KCNQ1: variants seen among roughly 807,000 people sequenced by gnomAD.
KCNQ1 encodes potassium voltage-gated channel subfamily Q member 1, also known as potassium voltage-gated channel subfamily KQT member 1.
A neutral mutation model predicts 72.4 loss-of-function variants in KCNQ1; 49 were observed. That is an observed-to-expected ratio of 0.68 (90% CI 0.54 to 0.86). KCNQ1 has a LOEUF of 0.86. Ranked by LOEUF, KCNQ1 falls within the 40% of genes least tolerant of loss-of-function variation. The pLI is 0.00. For missense variants in KCNQ1, 790 were observed against 945.1 expected (o/e 0.84, Z 2.15); for synonymous variants, 450 against 412.6 (o/e 1.09, Z -1.10).
At position 2,676,048 on chromosome 11, in the gene KCNQ1, A is replaced by G; in HGVS notation, c.1514+13967A>G. 5.0e-6 allele frequency: 2 copies of G among 398,608 alleles called. No homozygotes were observed. The allele number at this position is 398,608 out of a possible 1,614,324, so 24.7% of individuals were successfully genotyped here. A position where few individuals can be genotyped will look rare whatever the true frequency, so the allele number is the denominator to read the frequency against. ...TTACCACTCAACACTTTCCTATTGC[A>G]TCTTTCCAGACGTATTTTATATAAA... On this transcript the variant is annotated intron_variant, in intron 11 of 15. Coordinates refer to ENST00000155840, the MANE Select transcript of KCNQ1 (RefSeq NM_000218.3). This position sits in a 1 kb window ranked among gnomAD's most constrained non-coding sequence, Gnocchi z 4.2.
At position 2,563,858 on chromosome 11, in the gene KCNQ1, G is replaced by C. The variant is rs1014981132; in HGVS notation, c.478-6770G>C. Among the ~76,000 whole-genome samples, 1 of 152,210 alleles carries C rather than the reference G, an allele frequency of 6.6e-6. No individual in the cohort carries two copies. Among genetic ancestry groups the C allele is most frequent in the Non-Finnish European group, 1.5e-5 (1 of 68,038 alleles). On this transcript the variant is annotated intron_variant, in intron 2 of 15. Transcript: ENST00000155840. The surrounding 1 kb of genome is among the most constrained non-coding windows in gnomAD (Gnocchi z 7.4). ...GCATGCCATTTTGCAATTGACAAAT[G>C]GCTTGTGCTTAGCTATTTCGTTGAA...
In KCNQ1 at chr11:2,830,039, G is replaced by A. The variant is rs1217763051; in HGVS notation, c.1795-17728G>A. Among the ~76,000 whole-genome samples, 1 of 148,406 alleles carries A rather than the reference G, an allele frequency of 6.7e-6. No homozygotes were observed. On this transcript the variant is annotated intron_variant, in intron 15 of 15. Coordinates refer to ENST00000155840, the MANE Select transcript of KCNQ1 (RefSeq NM_000218.3). This position sits in a 1 kb window ranked among gnomAD's most constrained non-coding sequence, Gnocchi z 7.7. ...AGGAAGGAGGAGGAAGGAGGAGGGA[G>A]GAGGAAGGAGGAGGGAGGAGGGAGG...
chr11:2,548,662 G>A (rs1364861098), intron 2 of KCNQ1, among the ~76,000 whole-genome samples: 1 of 152,240 alleles, frequency 6.6e-6, no homozygotes, highest in Non-Finnish European at 1.5e-5. Context: ...GGGGCTGTTG[G>A]ATACAGTGAC....
At position 2,559,166 on chromosome 11, in the gene KCNQ1, T is replaced by C. The variant is rs746896457; in HGVS notation, c.478-11462T>C. ...GTGTCCCTTGAGCAAAATATTGCAC[T>C]TTCGTTGCTCTCTGAAAGCCTACCA... On this transcript the variant is annotated intron_variant, in intron 2 of 15. Transcript: ENST00000155840. This position sits in a 1 kb window ranked among gnomAD's most constrained non-coding sequence, Gnocchi z 4.9. Among the ~76,000 whole-genome samples, 2 of 151,972 alleles carry C rather than the reference T, an allele frequency of 1.3e-5. No individual in the cohort carries two copies. The highest frequency in any genetic ancestry group is 2.9e-5 in the Non-Finnish European group (2 of 67,970).
chr11:2,646,814 A>T (rs1849673046), intron 10 of KCNQ1: 1 of 398,372 alleles, frequency 2.5e-6, no homozygotes, highest in Admixed American at 4.4e-5. Context: ...TCATGTCCAC[A>T]CCTACTAATT....
At chr11:2,614,927 TAAA>T in intron 10 of KCNQ1, 1 of 398,460 alleles carries the variant, frequency 2.5e-6, no homozygotes, top group Non-Finnish European at 4.4e-6. Flanking sequence ...TTTCTGCAAA[TAAA>T]AAGGCCCTTG....
intron 10 of KCNQ1, chr11:2,660,659 A>C (rs1330845844): frequency 7.5e-6 from 3 of 398,632 alleles, no homozygotes; most frequent in African/African-American, 2.1e-5. Context: ...GCAATGCCTC[A>C]GTTTTCATCC....
At position 2,803,832 on chromosome 11, in the gene KCNQ1, GGA is replaced by G. The variant is rs1847321718; in HGVS notation, c.1794+25796_1794+25797del. Reference sequence around the variant, plus strand: ...CCAGCTCCCACCCTGCTATGCCCATGGACCCCAGGGTCAGCTTTTATGCACAC... The same window carrying G: ...CCAGCTCCCACCCTGCTATGCCCATGCCCCAGGGTCAGCTTTTATGCACAC... On this transcript the variant is annotated intron_variant, in intron 15 of 15. Transcript: ENST00000155840. The surrounding 1 kb of genome is among the most constrained non-coding windows in gnomAD (Gnocchi z 6.4). 6.6e-6 allele frequency among the ~76,000 whole-genome samples: 1 copy of G among 152,050 alleles called. No individual in the cohort carries two copies. The highest frequency in any genetic ancestry group is 3.2e-3 in the Middle Eastern group (1 of 316).
At chr11:2,456,599 C>T (rs1216143239) in intron 1 of KCNQ1, among the ~76,000 whole-genome samples, 2 of 151,844 alleles carry the variant, frequency 1.3e-5, no homozygotes, top group South Asian at 4.2e-4. Flanking sequence ...ATTAACAAAT[C>T]AACAAGCAAA....
Position 2,498,993 on chromosome 11 carries a change from T to G in KCNQ1, c.387-28935T>G, listed in dbSNP as rs2188199. ...GGGGGAGGGAGGTCTCCCGGCTCCT[T>G]GCACTTCCCAGGTGAGGCGATGCCC... is the stretch of plus-strand genomic sequence containing the variant. On this transcript the variant is annotated intron_variant, in intron 1 of 15. Coordinates refer to ENST00000155840, the MANE Select transcript of KCNQ1 (RefSeq NM_000218.3). This position sits in a 1 kb window ranked among gnomAD's most constrained non-coding sequence, Gnocchi z 4.8. Among the ~76,000 whole-genome samples the G allele has an allele frequency of 0.53, 80,373 of 151,936 alleles. 22,749 individuals carry two copies. Among genetic ancestry groups the G allele is most frequent in the Non-Finnish European group, 0.63 (43,075 of 67,926 alleles).
At chr11:2,551,013 C>T (rs533217879) in intron 2 of KCNQ1, among the ~76,000 whole-genome samples, 7 of 152,284 alleles carry the variant, frequency 4.6e-5, no homozygotes, top group African/African-American at 1.7e-4. Flanking sequence ...GGGGTCATAG[C>T]TGCCTCTCCC....
At position 2,620,452 on chromosome 11, in the gene KCNQ1, G is replaced by A. The variant is rs1849151286; in HGVS notation, c.1393+31598G>A. 2 of 301,282 alleles carry A rather than the reference G, an allele frequency of 6.6e-6. No homozygotes were observed. The highest frequency in any genetic ancestry group is 1.0e-4 in the Admixed American group (2 of 19,518). The allele number at this position is 301,282 out of a possible 1,614,324, so 18.7% of individuals were successfully genotyped here. ...GCTGGTCTCGAACTCCTGACCTCAG[G>A]TGATCCACCCGCCTTGGCCTCCCAA... On this transcript the variant is annotated intron_variant, in intron 10 of 15. Coordinates refer to ENST00000155840, the MANE Select transcript of KCNQ1 (RefSeq NM_000218.3). This position sits in a 1 kb window ranked among gnomAD's most constrained non-coding sequence, Gnocchi z 4.5.
In KCNQ1 at chr11:2,832,405, T is replaced by C. The variant is rs1847970632; in HGVS notation, c.1795-15362T>C. 4.6e-5 allele frequency among the ~76,000 whole-genome samples: 7 copies of C among 152,112 alleles called. No individual in the cohort carries two copies. The South Asian group carries it at 1.5e-3, about 32-fold the overall frequency. On this transcript the variant is annotated intron_variant, in intron 15 of 15. Coordinates refer to ENST00000155840, the MANE Select transcript of KCNQ1 (RefSeq NM_000218.3). ...GTGTCCCCTCCTGGGAGTGGGGCCG[T>C]CAGAGCTCCGACCGCACAGGGTCAT...
At chr11:2,609,719 A>G (rs577308767) in intron 10 of KCNQ1, 25 of 398,360 alleles carry the variant, frequency 6.3e-5, no homozygotes, top group Admixed American at 1.3e-4. Flanking sequence ...AGGTGAATAT[A>G]TGTTTATAAT....
intron 15 of KCNQ1, among the ~76,000 whole-genome samples, chr11:2,832,099 C>T (rs1303724941): frequency 6.6e-6 from 1 of 152,132 alleles, no homozygotes; most frequent in African/African-American, 2.4e-5. Flanking sequence ...CTACCCCCAG[C>T]CTTCCTGACA....
Position 2,752,076 on chromosome 11 carries a change from A to G in KCNQ1, c.1515-16768A>G, listed in dbSNP as rs962566901. 4.6e-5 allele frequency among the ~76,000 whole-genome samples: 7 copies of G among 151,990 alleles called. No individual in the cohort carries two copies. The highest frequency in any genetic ancestry group is 6.6e-5 in the Admixed American group (1 of 15,254). On this transcript the variant is annotated intron_variant, in intron 11 of 15. Coordinates refer to ENST00000155840, the MANE Select transcript of KCNQ1 (RefSeq NM_000218.3). The surrounding 1 kb of genome is among the most constrained non-coding windows in gnomAD (Gnocchi z 5.2). ...TGAGGGGCCGTCCTAGGCAGCACTCACCCTGGTCATCCCTGTTTCCACCAC... is the reference window on the plus strand; with the variant it reads ...TGAGGGGCCGTCCTAGGCAGCACTCGCCCTGGTCATCCCTGTTTCCACCAC...
chr11:2,841,783 A>C (rs1310478209), intron 15 of KCNQ1, among the ~76,000 whole-genome samples: 2 of 152,212 alleles, frequency 1.3e-5, no homozygotes, highest in Admixed American at 6.5e-5. Flanking sequence ...GGCGCCCCTG[A>C]GGCCCTTGGG....
At position 2,818,159 on chromosome 11, in the gene KCNQ1, C is replaced by T. The variant is rs978582296; in HGVS notation, c.1795-29608C>T. On this transcript the variant is annotated intron_variant, in intron 15 of 15. Coordinates refer to ENST00000155840, the MANE Select transcript of KCNQ1 (RefSeq NM_000218.3). This position sits in a 1 kb window ranked among gnomAD's most constrained non-coding sequence, Gnocchi z 7.2. ...TCTGCTGGCCCTCAGAGTGGGAGCG[C>T]GTGCCCCAACTTCCGAGCCCTAGGA... Among the ~76,000 whole-genome samples the T allele has an allele frequency of 1.8e-4, 27 of 152,306 alleles. No homozygotes were observed. The highest frequency in any genetic ancestry group is 1.2e-3 in the Admixed American group (18 of 15,302).
rs955548460 is a variant in KCNQ1 at position 2,484,058 on chromosome 11, C to G, written c.386+38574C>G. Among the ~76,000 whole-genome samples the G allele has an allele frequency of 6.6e-6, 1 of 152,124 alleles. No individual in the cohort carries two copies. Among genetic ancestry groups the G allele is most frequent in the Non-Finnish European group, 1.5e-5 (1 of 68,022 alleles). Reference sequence around the variant, plus strand: ...ATTCTTCTCCAGGAAGAGCTGTCCCCTTTGTTCTGGTTATGTATCCAGTGG... The same window carrying G: ...ATTCTTCTCCAGGAAGAGCTGTCCCGTTTGTTCTGGTTATGTATCCAGTGG... On this transcript the variant is annotated intron_variant, in intron 1 of 15. Transcript: ENST00000155840. This position sits in a 1 kb window ranked among gnomAD's most constrained non-coding sequence, Gnocchi z 5.2.
Sources: allele counts gnomAD v4.1 joint callset (sites outside exome capture counted in the v4.1 genomes callset), GRCh38; gene constraint gnomAD v4.1.1; non-coding constraint Gnocchi (gnomAD v3.1); transcripts MANE v1.5; gene names NCBI Gene and HGNC (gene_info 2026-07-23, HGNC 2026-07-21).